Variants in DLG2 observed in about 807,000 individuals in gnomAD.
DLG2 encodes disks large homolog 2.
A neutral mutation model predicts 132.5 loss-of-function variants in DLG2; 45 were observed. That is an observed-to-expected ratio of 0.34 (90% CI 0.27 to 0.44). The LOEUF (loss-of-function observed/expected upper bound fraction) is 0.44. Among genes scored for constraint, DLG2 ranks in the 20% least tolerant of loss-of-function variants. The probability of loss-of-function intolerance (pLI) is 1.00; values close to 1 mark genes in which losing one functional copy is unlikely to be tolerated. For synonymous variants in DLG2, 424 were observed against 419.6 expected (o/e 1.01, Z -0.13); for missense variants, 1,045 against 1,196.9 (o/e 0.87, Z 1.87).
chr11:84,284,936 G>C (rs1275097585), intron 7 of DLG2, among the ~76,000 whole-genome samples: 1 of 152,204 alleles, frequency 6.6e-6, no homozygotes, highest in African/African-American at 2.4e-5. Flanking sequence ...GGTGGACGTA[G>C]AAAATGTTTT....
intron 3 of DLG2, among the ~76,000 whole-genome samples, chr11:85,550,105 A>C (rs1378052411): frequency 6.6e-6 from 1 of 152,180 alleles, no homozygotes; most frequent in South Asian, 2.1e-4. Flanking sequence ...TTTGCCTCCA[A>C]TTCTCTTGCA....
At chr11:85,351,545 G>A (rs1385253015) in intron 3 of DLG2, among the ~76,000 whole-genome samples, 2 of 152,114 alleles carry the variant, frequency 1.3e-5, no homozygotes, top group African/African-American at 4.8e-5. Context: ...TTGGCTGTGG[G>A]TTTGTCATAA....
chr11:83,964,740 AGTT>A (rs2089784360), intron 13 of DLG2, among the ~76,000 whole-genome samples: 1 of 151,966 alleles, frequency 6.6e-6, no homozygotes, highest in Admixed American at 6.6e-5. Flanking sequence ...TAGTCTCATT[AGTT>A]GTTAGTTGTT....
chr11:84,255,300 C>G (rs536507340), intron 7 of DLG2, among the ~76,000 whole-genome samples: 1 of 152,278 alleles, frequency 6.6e-6, no homozygotes, highest in South Asian at 2.1e-4. Context: ...ACATTTCACA[C>G]TGCCCTGCCA....
chr11:85,063,249 G>A (rs1285045346), intron 6 of DLG2, among the ~76,000 whole-genome samples: 2 of 151,776 alleles, frequency 1.3e-5, no homozygotes, highest in Non-Finnish European at 2.9e-5. Context: ...ATCAGCTGAG[G>A]CCTCTGTTGA....
chr11:85,201,592 G>A (rs989789799), intron 4 of DLG2, among the ~76,000 whole-genome samples: 1 of 152,188 alleles, frequency 6.6e-6, no homozygotes, highest in Non-Finnish European at 1.5e-5. Flanking sequence ...ACAATAGTCA[G>A]TCTTCTTAGA....
intron 9 of DLG2, among the ~76,000 whole-genome samples, chr11:84,111,046 T>C (rs10792721): frequency 0.73 from 110,673 of 151,632 alleles, 42,010 homozygotes; most frequent in Middle Eastern, 0.87. Context: ...CTCTAAGTGA[T>C]TCACAATTCA....
intron 6 of DLG2, among the ~76,000 whole-genome samples, chr11:84,773,541 G>T (rs1281653269): frequency 6.6e-6 from 1 of 152,152 alleles, no homozygotes; most frequent in Non-Finnish European, 1.5e-5. Context: ...CTAGCAAACT[G>T]AATCCAGCAG....
chr11:84,353,052 C>T (rs1381507910), intron 7 of DLG2, among the ~76,000 whole-genome samples: 1 of 152,100 alleles, frequency 6.6e-6, no homozygotes, highest in Non-Finnish European at 1.5e-5. Flanking sequence ...ATATCTGTTC[C>T]ACTTTCAATA....
chr11:83,718,266 A>G (rs1213124764), intron 18 of DLG2, among the ~76,000 whole-genome samples: 2 of 152,128 alleles, frequency 1.3e-5, no homozygotes, highest in Non-Finnish European at 2.9e-5. Context: ...GCCAGGTGCA[A>G]TGGCTCATGC....
intron 18 of DLG2, among the ~76,000 whole-genome samples, chr11:83,662,786 T>A (rs769857773): frequency 5.3e-5 from 8 of 152,126 alleles, no homozygotes. Context: ...AGAATTGCAG[T>A]TTAGATTCTC....
intron 6 of DLG2, among the ~76,000 whole-genome samples, chr11:84,574,232 G>C (rs1287227634): frequency 6.6e-6 from 1 of 152,004 alleles, no homozygotes; most frequent in Non-Finnish European, 1.5e-5. Flanking sequence ...CCTCAGCAAA[G>C]AGAAGAGAAA....
chr11:84,406,288 C>T (rs2154449941), intron 7 of DLG2, among the ~76,000 whole-genome samples: 1 of 152,084 alleles, frequency 6.6e-6, no homozygotes, highest in East Asian at 1.9e-4. Context: ...AATACCTGAC[C>T]TTTTTTTGTT....
At chr11:85,155,306 T>C (rs2077518383) in intron 4 of DLG2, among the ~76,000 whole-genome samples, 1 of 152,220 alleles carries the variant, frequency 6.6e-6, no homozygotes, top group Non-Finnish European at 1.5e-5. Flanking sequence ...CTACTGCTGT[T>C]GTTGCAAGTA....
intron 3 of DLG2, among the ~76,000 whole-genome samples, chr11:85,355,004 A>G (rs1244475334): frequency 6.6e-6 from 1 of 152,002 alleles, no homozygotes; most frequent in Non-Finnish European, 1.5e-5. Flanking sequence ...TTGTGACATC[A>G]TGCTATTTTG....
At chr11:84,008,736 C>T (rs1465567104) in intron 11 of DLG2, among the ~76,000 whole-genome samples, 4 of 151,700 alleles carry the variant, frequency 2.6e-5, no homozygotes, top group Admixed American at 2.6e-4. Flanking sequence ...AGAGGCAAAA[C>T]AAGATCTAAA....
At chr11:85,578,064 T>C (rs542670071) in intron 3 of DLG2, among the ~76,000 whole-genome samples, 67 of 152,040 alleles carry the variant, frequency 4.4e-4, no homozygotes, top group Admixed American at 9.2e-4. Context: ...TGGAACAGAA[T>C]AGAGAACCCA....
chr11:84,548,852 T>C (rs1180386131), intron 6 of DLG2, among the ~76,000 whole-genome samples: 4 of 152,134 alleles, frequency 2.6e-5, no homozygotes, highest in African/African-American at 4.8e-5. Context: ...TAGATTAAAG[T>C]GTATGCAAGG....
chr11:84,787,867 G>A (rs1438719814), intron 6 of DLG2, among the ~76,000 whole-genome samples: 1 of 151,420 alleles, frequency 6.6e-6, no homozygotes, highest in South Asian at 2.1e-4. Context: ...GGGAGGCCGA[G>A]ACAGGTGGAT....
Sources: gnomAD v4.1 joint callset for allele counts (sites outside exome capture counted in the v4.1 genomes callset) on GRCh38, gnomAD v4.1.1 for gene constraint, MANE v1.5 for transcripts, NCBI Gene and HGNC (gene_info 2026-07-23, HGNC 2026-07-21) for gene names.